DNAJB4: variants seen among roughly 807,000 people sequenced by gnomAD.
DNAJB4 encodes the protein dnaJ homolog subfamily B member 4.
Under a neutral mutation model 26.6 loss-of-function variants are expected in DNAJB4, and 10 were observed. The ratio of observed to expected loss-of-function variants is 0.38; its 90% CI spans 0.23 to 0.64. DNAJB4 has a LOEUF of 0.64. Ranked by LOEUF, DNAJB4 falls within the 30% of genes least tolerant of loss-of-function variation. The pLI is 0.58. For synonymous variants in DNAJB4, 136 were observed against 134.8 expected, an observed-to-expected ratio of 1.01 and a Z score of -0.06; for missense variants, 328 against 408.2, an observed-to-expected ratio of 0.80 and a Z score of 1.69.
chr1:78,001,352 A>G (rs949564615), upstream of DNAJB4, among the ~76,000 whole-genome samples: 4 of 152,088 alleles, frequency 2.6e-5, no homozygotes, highest in Non-Finnish European at 5.9e-5. Flanking sequence ...AAAGAAAAAA[A>G]AAAAAAATTT....
chr1:77,988,330 T>C (rs1195617281), intron 1 of DNAJB4, among the ~76,000 whole-genome samples: 1 of 152,144 alleles, frequency 6.6e-6, no homozygotes, highest in Non-Finnish European at 1.5e-5. Context: ...TCAGTTCTTA[T>C]TGGTCTTCCA....
chr1:78,012,118 T>TGTAAG (rs1352205275), intron 1 of DNAJB4, among the ~76,000 whole-genome samples: 3 of 21,428 alleles, frequency 1.4e-4, no homozygotes, highest in African/African-American at 8.3e-4. Flanking sequence ...ATCAGTAGTT[T>TGTAAG]ATAAGGAGTT....
At position 78,013,527 on chromosome 1, in the gene DNAJB4, G is replaced by C. The variant is rs1660552572; in HGVS notation, c.688G>C (p.Asp230His). ...GDETPNSIPA[D>H]IVFIIKDKDH... ...TGAAACACCAAATAGTATTCCAGCA[G>C]ACATTGTTTTTATCATTAAAGACAA... The change falls in exon 2 of 3, where the codon GAC becomes CAC. Residue 230 changes from aspartate (D) to histidine (H), a missense_variant. Asp to His is a moderately conservative substitution (Grantham distance 81, BLOSUM62 -1). Transcript: ENST00000370763. 1 of 1,613,512 alleles carries C rather than the reference G, an allele frequency of 6.2e-7. No individual in the cohort carries two copies. The highest frequency in any genetic ancestry group is 8.5e-7 in the Non-Finnish European group (1 of 1,179,962).
chr1:77,985,895 T>C (rs1354813261), intron 1 of DNAJB4, among the ~76,000 whole-genome samples: 1 of 152,098 alleles, frequency 6.6e-6, no homozygotes, highest in Non-Finnish European at 1.5e-5. Context: ...TTGAGCATGC[T>C]AGTGAGTGAA....
chr1:77,989,463 T>C (rs1659882335), intron 1 of DNAJB4, among the ~76,000 whole-genome samples: 6 of 152,190 alleles, frequency 3.9e-5, no homozygotes, highest in Admixed American at 3.9e-4. Flanking sequence ...CATTTCCCTC[T>C]TAATGTTCAA....
At chr1:77,989,784 G>A (rs1433973876) in intron 1 of DNAJB4, among the ~76,000 whole-genome samples, 1 of 152,162 alleles carries the variant, frequency 6.6e-6, no homozygotes, top group Non-Finnish European at 1.5e-5. Flanking sequence ...GATTGATTTA[G>A]AGATGCAACA....
chr1:77,993,822 G>T (rs115177056), intron 1 of DNAJB4, among the ~76,000 whole-genome samples: 7,198 of 152,128 alleles, frequency 0.047, 226 homozygotes, highest in East Asian at 0.11. Flanking sequence ...TTATTTTAGA[G>T]ATATATTTTT....
At chr1:77,988,036 C>G (rs941767718) in intron 1 of DNAJB4, among the ~76,000 whole-genome samples, 2 of 129,202 alleles carry the variant, frequency 1.5e-5, no homozygotes, top group African/African-American at 5.7e-5. Flanking sequence ...TGTATTTCCC[C>G]CCCCCCCCAG....
intron 1 of DNAJB4, among the ~76,000 whole-genome samples, chr1:77,988,096 C>T (rs1254079172): frequency 6.9e-6 from 1 of 144,830 alleles, no homozygotes; most frequent in East Asian, 2.2e-4. Flanking sequence ...ATAATCAGAG[C>T]TCACTGTAAC....
At chr1:77,993,445 C>A in intron 1 of DNAJB4, among the ~76,000 whole-genome samples, 1 of 152,088 alleles carries the variant, frequency 6.6e-6, no homozygotes, top group East Asian at 1.9e-4. Flanking sequence ...TCCCAAGTAG[C>A]TGGGACTACA....
At chr1:77,981,207 T>C (rs2102581527) in intron 1 of DNAJB4, 1 of 151,422 alleles carries the variant, frequency 6.6e-6, no homozygotes, top group Non-Finnish European at 1.5e-5. Context: ...TTGCCCAGGC[T>C]GGAGTGCAGT....
chr1:77,993,114 T>G (rs922808363), intron 1 of DNAJB4, among the ~76,000 whole-genome samples: 3 of 152,158 alleles, frequency 2.0e-5, no homozygotes, highest in Admixed American at 6.5e-5. Context: ...ATTTAGACTT[T>G]GCTCTCCCTC....
At chr1:77,980,490 G>A (rs917551002) in intron 1 of DNAJB4, among the ~76,000 whole-genome samples, 3 of 151,914 alleles carry the variant, frequency 2.0e-5, no homozygotes, top group African/African-American at 7.3e-5. Flanking sequence ...TAAGCTCCAG[G>A]AATCGTGAGG....
intron 1 of DNAJB4, among the ~76,000 whole-genome samples, chr1:77,988,275 A>C (rs1254643892): frequency 6.6e-6 from 1 of 152,074 alleles, no homozygotes; most frequent in African/African-American, 2.4e-5. Context: ...CTCCTGCCTC[A>C]GCATTCCAAA....
chr1:78,002,562 G>A (rs1660217251), upstream of DNAJB4, among the ~76,000 whole-genome samples: 2 of 151,982 alleles, frequency 1.3e-5, no homozygotes, highest in African/African-American at 4.8e-5. Flanking sequence ...TTCCAGGTGT[G>A]GTATTTATAG....
chr1:78,007,171 T>A (rs1660347894), intron 1 of DNAJB4, among the ~76,000 whole-genome samples: 1 of 152,178 alleles, frequency 6.6e-6, no homozygotes, highest in South Asian at 2.1e-4. Context: ...TTTTTTTTTT[T>A]AACTTACATA....
At chr1:77,990,523 A>T (rs1366772069) in intron 1 of DNAJB4, among the ~76,000 whole-genome samples, 3 of 152,116 alleles carry the variant, frequency 2.0e-5, no homozygotes, top group African/African-American at 7.2e-5. Context: ...GTAGTTAGCC[A>T]GAGAAATAGA....
At chr1:78,009,488 G>GT (rs1031581327) in intron 1 of DNAJB4, among the ~76,000 whole-genome samples, 7 of 152,226 alleles carry the variant, frequency 4.6e-5, no homozygotes, top group African/African-American at 1.7e-4. Flanking sequence ...TCTCTGGTGC[G>GT]TTTTTTGATC....
chr1:77,980,867 A>G (rs941937775), intron 1 of DNAJB4, among the ~76,000 whole-genome samples: 1 of 152,180 alleles, frequency 6.6e-6, no homozygotes, highest in African/African-American at 2.4e-5. Context: ...GGCCATCCCT[A>G]TAAATTTTGG....
Sources: allele counts gnomAD v4.1 joint callset (sites outside exome capture counted in the v4.1 genomes callset), GRCh38; gene constraint gnomAD v4.1.1; transcripts MANE v1.5; gene names NCBI Gene and HGNC (gene_info 2026-07-23, HGNC 2026-07-21).